The following TRPM6 variants were observed in gnomAD, a reference collection of about 807,000 sequenced individuals.
TRPM6 encodes the protein transient receptor potential cation channel subfamily M member 6.
In TRPM6, 111 loss-of-function variants were observed where a neutral mutation model predicts 247.6. The ratio of observed to expected loss-of-function variants is 0.45; its 90% CI spans 0.38 to 0.52. The LOEUF (loss-of-function observed/expected upper bound fraction) is 0.52. TRPM6 is among the 20% of genes least tolerant of loss of function. TRPM6 has a pLI of 0.00. For missense variants in TRPM6, 2,126 were observed against 2,421.5 expected, an observed-to-expected ratio of 0.88 and a Z score of 2.56; for synonymous variants, 892 against 853.8, an observed-to-expected ratio of 1.04 and a Z score of -0.78.
chr9:74,841,407 C>T (rs1305804429), intron 4 of TRPM6, among the ~76,000 whole-genome samples: 1 of 152,150 alleles, frequency 6.6e-6, no homozygotes, highest in East Asian at 1.9e-4. Context: ...GAAACAAAAC[C>T]ACAGGCAAAG....
chr9:74,763,050 C>G lies in TRPM6; in HGVS notation c.3621G>C (p.Gln1207His). ...IKDSLLSLDS[Q>H]VGHLQDLSAL... ...CAGAGAGATCCTGCAGGTGTCCCAC[C>G]TGGCTGTCCAAAGACAGTAAGGAGT... The change falls in exon 26 of 39, where the codon CAG becomes CAC. Residue 1207 changes from glutamine (Q) to histidine (H), a missense_variant. By Grantham distance (24) the Gln-to-His change is conservative. Transcript: ENST00000360774. The G allele has an allele frequency of 6.2e-7, 1 of 1,614,152 alleles. No individual in the cohort carries two copies. Among genetic ancestry groups the G allele is most frequent in the East Asian group, 2.2e-5 (1 of 44,876 alleles).
chr9:74,807,280 C>A (rs1347140090), intron 14 of TRPM6, among the ~76,000 whole-genome samples: 1 of 152,164 alleles, frequency 6.6e-6, no homozygotes, highest in Non-Finnish European at 1.5e-5. Flanking sequence ...GATTCTCCAG[C>A]AACAAAGGTC....
chr9:74,858,436 C>T (rs1406131735), intron 2 of TRPM6, among the ~76,000 whole-genome samples: 1 of 152,108 alleles, frequency 6.6e-6, no homozygotes, highest in Non-Finnish European at 1.5e-5. Context: ...ATGTGGCAGG[C>T]ACTGTCACAG....
At chr9:74,763,922 G>A (rs1253931323) in intron 25 of TRPM6, among the ~76,000 whole-genome samples, 1 of 152,134 alleles carries the variant, frequency 6.6e-6, no homozygotes, top group African/African-American at 2.4e-5. Context: ...TGGGAGGCAG[G>A]TGGATCACTT....
At chr9:74,860,368 G>C (rs563303209) in intron 1 of TRPM6, among the ~76,000 whole-genome samples, 1 of 150,660 alleles carries the variant, frequency 6.6e-6, no homozygotes, top group Non-Finnish European at 1.5e-5. Context: ...TTTTTGAGAC[G>C]GAGTCTTGCT....
chr9:74,724,633 C>G lies in TRPM6; in HGVS notation c.6049G>C (p.Glu2017Gln). Residue 2017 changes from glutamate (E) to glutamine (Q), a missense_variant, in exon 39 of 39, where the codon GAA becomes CAA. Coordinates refer to ENST00000360774, the MANE Select transcript of TRPM6 (RefSeq NM_017662.5). ...CCTTTTTATAGTTGCATATCATCTTCTGGGGAATTTCTACCCGTCTCCCTT... is the reference window on the plus strand; with the variant it reads ...CCTTTTTATAGTTGCATATCATCTTGTGGGGAATTTCTACCCGTCTCCCTT... ...PARETGRNSP[E>Q]DDMQL 1 of 1,614,216 alleles carries G rather than the reference C, an allele frequency of 6.2e-7. No homozygotes were observed. Among genetic ancestry groups the G allele is most frequent in the Non-Finnish European group, 8.5e-7 (1 of 1,180,034 alleles).
At position 74,796,726 on chromosome 9, in the gene TRPM6, T is replaced by C; in HGVS notation, c.2391+15A>G. The stretch of plus-strand genomic sequence containing the variant: ...AATACAATGAAAATTCAGTTCATTA[T>C]GATTTTGCACTAACCACAGAAGCAC... On this transcript the variant is annotated intron_variant, in intron 18 of 38. Transcript: ENST00000360774. The C allele has an allele frequency of 6.2e-7, 1 of 1,613,756 alleles. No individual in the cohort carries two copies.
intron 21 of TRPM6, among the ~76,000 whole-genome samples, chr9:74,783,369 CATT>C (rs1827530269): frequency 6.6e-6 from 1 of 152,154 alleles, no homozygotes; most frequent in Non-Finnish European, 1.5e-5. Context: ...CAATTCCCAT[CATT>C]ATTTCAAGAG....
intron 36 of TRPM6, among the ~76,000 whole-genome samples, chr9:74,736,746 A>G (rs1046808544): frequency 6.6e-6 from 1 of 152,212 alleles, no homozygotes; most frequent in Non-Finnish European, 1.5e-5. Context: ...TATTTCTGCA[A>G]TTCACATAAT....
intron 28 of TRPM6, among the ~76,000 whole-genome samples, chr9:74,753,991 G>T (rs181921985): frequency 1.3e-5 from 2 of 151,620 alleles, no homozygotes; most frequent in Non-Finnish European, 2.9e-5. Context: ...TTTGAAATTC[G>T]TTGGAAAGAA....
intron 3 of TRPM6, among the ~76,000 whole-genome samples, chr9:74,852,562 C>T (rs1275361930): frequency 1.3e-5 from 2 of 152,142 alleles, no homozygotes; most frequent in Admixed American, 6.5e-5. Flanking sequence ...GACTGTGCCG[C>T]CACCATCTCG....
chr9:74,743,993 G>A (rs140493587), intron 32 of TRPM6, 102 bp downstream of exon 32: 29 of 1,165,840 alleles, frequency 2.5e-5, no homozygotes, highest in South Asian at 3.7e-5. Flanking sequence ...TTCAAGTCGC[G>A]AGCCATGTCA....
chr9:74,883,675 C>T (rs1831436180), intron 1 of TRPM6, among the ~76,000 whole-genome samples: 1 of 152,052 alleles, frequency 6.6e-6, no homozygotes, highest in South Asian at 2.1e-4. Context: ...AAACAAGTTA[C>T]AGATCAATAT....
intron 36 of TRPM6, among the ~76,000 whole-genome samples, chr9:74,735,494 G>C (rs1825666099): frequency 6.6e-6 from 1 of 152,114 alleles, no homozygotes; most frequent in Non-Finnish European, 1.5e-5. Flanking sequence ...TGTAGTAGCA[G>C]AATTGATGAT....
chr9:74,728,375 T>A, intron 37 of TRPM6, 30 bp from the exon 38 acceptor site: 1 of 1,488,444 alleles, frequency 6.7e-7, no homozygotes, highest in Middle Eastern at 1.7e-4. Flanking sequence ...ATCAATTAGA[T>A]CACAGCTAAG....
intron 3 of TRPM6, among the ~76,000 whole-genome samples, chr9:74,852,462 T>A (rs1830359992): frequency 6.9e-6 from 1 of 145,906 alleles, no homozygotes; most frequent in Non-Finnish European, 1.5e-5. Flanking sequence ...TCCCTCTCCC[T>A]CTCCCTCTCC....
intron 29 of TRPM6, among the ~76,000 whole-genome samples, chr9:74,752,044 T>C (rs1441202426): frequency 6.6e-6 from 1 of 152,180 alleles, no homozygotes; most frequent in Admixed American, 6.5e-5. Flanking sequence ...CCAGGATAAA[T>C]TATTGAGTGG....
chr9:74,864,478 T>TA (rs1461805406), intron 1 of TRPM6, among the ~76,000 whole-genome samples: 1 of 152,168 alleles, frequency 6.6e-6, no homozygotes, highest in East Asian at 1.9e-4. Context: ...GCATCCAGGC[T>TA]AAAAATATCT....
chr9:74,752,886 G>T (rs1213490598), intron 28 of TRPM6, among the ~76,000 whole-genome samples: 2 of 152,134 alleles, frequency 1.3e-5, no homozygotes, highest in Non-Finnish European at 2.9e-5. Flanking sequence ...GCCAAGGCGG[G>T]TGGATCACCC....
Sources: allele counts gnomAD v4.1 joint callset (sites outside exome capture counted in the v4.1 genomes callset), GRCh38; gene constraint gnomAD v4.1.1; transcripts MANE v1.5; gene names NCBI Gene and HGNC (gene_info 2026-07-23, HGNC 2026-07-21).